The following NALF1 variants were observed in gnomAD, a reference collection of about 807,000 sequenced individuals.
NALF1 encodes NALCN channel auxiliary factor 1.
NALF1 carries 3 observed loss-of-function variants against 48.4 expected under a neutral mutation model. The ratio of observed to expected loss-of-function variants is 0.06; its 90% CI spans 0.03 to 0.16. NALF1 has a LOEUF of 0.16. NALF1 is among the 10% of genes least tolerant of loss of function. The pLI is 1.00. For synonymous variants in NALF1, 262 were observed against 245.7 expected, an observed-to-expected ratio of 1.07 and a Z score of -0.62; for missense variants, 526 against 571.5, an observed-to-expected ratio of 0.92 and a Z score of 0.81.
At chr13:107,786,551 C>T (rs975255288) in intron 1 of NALF1, among the ~76,000 whole-genome samples, 6 of 144,352 alleles carry the variant, frequency 4.2e-5, no homozygotes, top group African/African-American at 7.7e-5. Flanking sequence ...CCCAACATGG[C>T]GAAACCCCAT....
chr13:107,209,717 G>A (rs1336348147), intron 2 of NALF1, among the ~76,000 whole-genome samples: 1 of 152,090 alleles, frequency 6.6e-6, no homozygotes. Context: ...ATTTTCATGT[G>A]TCTCTACACA....
intron 1 of NALF1, among the ~76,000 whole-genome samples, chr13:107,407,484 A>G (rs1883918865): frequency 6.6e-6 from 1 of 152,122 alleles, no homozygotes; most frequent in Non-Finnish European, 1.5e-5. Flanking sequence ...AGACATACAA[A>G]TGGCAAACAG....
chr13:107,212,459 A>G (rs1196225424), intron 1 of NALF1, among the ~76,000 whole-genome samples: 1 of 152,194 alleles, frequency 6.6e-6, no homozygotes, highest in Non-Finnish European at 1.5e-5. Context: ...TCTTATGCCA[A>G]CTGGGAAACG....
intron 1 of NALF1, among the ~76,000 whole-genome samples, chr13:107,350,697 C>T (rs927307812): frequency 6.6e-6 from 1 of 152,170 alleles, no homozygotes; most frequent in African/African-American, 2.4e-5. Context: ...TGAGCGTTTC[C>T]TTACTAGAGG....
intron 1 of NALF1, among the ~76,000 whole-genome samples, chr13:107,707,553 G>A (rs1221018727): frequency 6.6e-6 from 1 of 152,128 alleles, no homozygotes; most frequent in Non-Finnish European, 1.5e-5. Flanking sequence ...CCAACCACAA[G>A]CACCGACTCC....
chr13:107,252,760 T>C (rs1566464755), intron 1 of NALF1, among the ~76,000 whole-genome samples: 1 of 152,166 alleles, frequency 6.6e-6, no homozygotes. Flanking sequence ...CTTTAAACAA[T>C]ATAAACAATA....
At chr13:107,201,911 G>A (rs1348449370) in intron 2 of NALF1, among the ~76,000 whole-genome samples, 3 of 152,126 alleles carry the variant, frequency 2.0e-5, no homozygotes, top group South Asian at 4.1e-4. Flanking sequence ...AGTGAGTTTC[G>A]GTGGCGAGGT....
intron 1 of NALF1, among the ~76,000 whole-genome samples, chr13:107,714,229 C>T (rs1418241026): frequency 6.6e-6 from 1 of 152,074 alleles, no homozygotes; most frequent in African/African-American, 2.4e-5. Context: ...TTGAATATGA[C>T]ACATAAGTGC....
intron 1 of NALF1, among the ~76,000 whole-genome samples, chr13:107,700,115 A>T (rs1317008523): frequency 1.3e-5 from 2 of 152,034 alleles, no homozygotes; most frequent in Non-Finnish European, 1.5e-5. Flanking sequence ...TCCCTATCAG[A>T]ATTCCAATGG....
At chr13:107,368,469 G>A (rs2138962056) in intron 1 of NALF1, among the ~76,000 whole-genome samples, 1 of 152,110 alleles carries the variant, frequency 6.6e-6, no homozygotes, top group South Asian at 2.1e-4. Context: ...TTTTCTTACA[G>A]CTCTGGAAAA....
intron 1 of NALF1, among the ~76,000 whole-genome samples, chr13:107,779,518 G>C (rs1877825947): frequency 6.6e-6 from 1 of 152,134 alleles, no homozygotes; most frequent in South Asian, 2.1e-4. Flanking sequence ...CAGTGAGTAG[G>C]GTGAAGGAGA....
At chr13:107,676,593 ATTAATTTAAT>A (rs930611263) in intron 1 of NALF1, among the ~76,000 whole-genome samples, 1 of 106,558 alleles carries the variant, frequency 9.4e-6, no homozygotes, top group African/African-American at 4.1e-5. Flanking sequence ...AAATCATTAA[ATTAATTTAAT>A]TTAATTAATT....
intron 2 of NALF1, among the ~76,000 whole-genome samples, chr13:107,172,041 T>TG (rs1163151535): frequency 2.0e-5 from 3 of 152,194 alleles, no homozygotes; most frequent in African/African-American, 7.2e-5. Flanking sequence ...CCAGGCTCAC[T>TG]GCTCAATGTT....
chr13:107,591,085 G>A (rs561894376), intron 1 of NALF1, among the ~76,000 whole-genome samples: 3 of 152,068 alleles, frequency 2.0e-5, no homozygotes, highest in African/African-American at 7.2e-5. Context: ...AGACCAACCA[G>A]TGATCCAAAT....
chr13:107,205,496 C>CCAGGGGG (rs1325492504), intron 2 of NALF1, among the ~76,000 whole-genome samples: 1 of 152,078 alleles, frequency 6.6e-6, no homozygotes, highest in East Asian at 1.9e-4. Context: ...AGAGTCGCCA[C>CCAGGGGG]CAGGGGGCGC....
intron 1 of NALF1, among the ~76,000 whole-genome samples, chr13:107,690,115 A>G (rs1881533233): frequency 6.6e-6 from 1 of 152,202 alleles, no homozygotes; most frequent in Non-Finnish European, 1.5e-5. Context: ...TTTTTTACAC[A>G]TGAAGAATAT....
chr13:107,862,495 C>T (rs1034932953), intron 1 of NALF1, among the ~76,000 whole-genome samples: 2 of 151,932 alleles, frequency 1.3e-5, no homozygotes, highest in African/African-American at 4.8e-5. Flanking sequence ...GTATTTACTA[C>T]TCAATTTATG....
chr13:107,565,298 T>C (rs1877774209), intron 1 of NALF1, among the ~76,000 whole-genome samples: 1 of 146,774 alleles, frequency 6.8e-6, no homozygotes, highest in African/African-American at 2.5e-5. Flanking sequence ...TGCCAGAGCG[T>C]CCCTTGAGAC....
chr13:107,832,861 C>G (rs907653122), intron 1 of NALF1, among the ~76,000 whole-genome samples: 1 of 152,120 alleles, frequency 6.6e-6, no homozygotes. Flanking sequence ...TCAAAAACAA[C>G]AAATCATAGG....
Sources: allele counts gnomAD v4.1 joint callset (sites outside exome capture counted in the v4.1 genomes callset), GRCh38; gene constraint gnomAD v4.1.1; transcripts MANE v1.5; gene names NCBI Gene and HGNC (gene_info 2026-07-23, HGNC 2026-07-21).